TRPM8: variants seen among roughly 807,000 people sequenced by gnomAD.
TRPM8 encodes transient receptor potential cation channel subfamily M member 8.
TRPM8 carries 110 observed loss-of-function variants against 133.7 expected under a neutral mutation model. The ratio of observed to expected loss-of-function variants is 0.82; its 90% CI spans 0.70 to 0.96. The LOEUF (loss-of-function observed/expected upper bound fraction) is 0.96, where lower values mean the gene tolerates loss of function less well. Ranked by LOEUF, TRPM8 falls within the 40% of genes least tolerant of loss-of-function variation. TRPM8 has a pLI of 0.00. For synonymous variants in TRPM8, 535 were observed against 532.3 expected, an observed-to-expected ratio of 1.01 and a Z score of -0.07; for missense variants, 1,291 against 1,379.5, an observed-to-expected ratio of 0.94 and a Z score of 1.02.
rs2125320255 is a variant in TRPM8 at position 233,989,808 on chromosome 2, C to T, written c.2939+3943C>T. Among the ~76,000 whole-genome samples the T allele has an allele frequency of 6.6e-6, 1 of 152,254 alleles. No homozygotes were observed. The highest frequency in any genetic ancestry group is 1.9e-4 in the East Asian group (1 of 5,180). On this transcript the variant is annotated intron_variant, in intron 21 of 25. Coordinates refer to ENST00000324695, the MANE Select transcript of TRPM8 (RefSeq NM_024080.5). This position sits in a 1 kb window ranked among gnomAD's most constrained non-coding sequence, Gnocchi z 4.2. Reference sequence around the variant, plus strand: ...TACATTAAAATTATCGATCACAGGGCCTGTGTGGCTTATCAGCGGCAGGAA... The same window carrying T: ...TACATTAAAATTATCGATCACAGGGTCTGTGTGGCTTATCAGCGGCAGGAA...
intron 21 of TRPM8, 21 bp from the exon 22 acceptor site, chr2:233,996,305 C>T (rs755459164): frequency 1.9e-6 from 3 of 1,612,172 alleles, no homozygotes; most frequent in Non-Finnish European, 2.5e-6. Context: ...TAAGTCTTGG[C>T]CTTCTCTCTT....
rs202105112 is a variant in TRPM8, at chr2:233,970,370, C to T, written c.2299C>T (p.Pro767Ser). ...LMDFHSVPHP[P>S]ELVLYSLVFV... ...GGATTTCCATTCGGTGCCACACCCC[C>T]CCGAGCTGGTCCTGTACTCGCTGGT... Residue 767 changes from proline (P) to serine (S), a missense_variant, in exon 17 of 26, where the codon CCC becomes TCC. Physicochemically the swap from Pro to Ser is moderately conservative, Grantham distance 74. This residue lies in a region of TRPM8 where 963 missense variants were observed against 968.9 expected (regional missense o/e 0.99). Transcript: ENST00000324695. The T allele has an allele frequency of 9.3e-6, 15 of 1,614,140 alleles. No homozygotes were observed. The highest frequency in any genetic ancestry group is 8.5e-7 in the Non-Finnish European group (1 of 1,180,030).
At chr2:233,933,297 T>C (rs919944980) in intron 3 of TRPM8, among the ~76,000 whole-genome samples, 14 of 152,336 alleles carry the variant, frequency 9.2e-5, no homozygotes, top group African/African-American at 2.6e-4. Flanking sequence ...CATCTGGCTA[T>C]TGATCATTTG....
At chr2:233,955,463 A>T (rs1255668534) in intron 11 of TRPM8, 1 of 420,704 alleles carries the variant, frequency 2.4e-6, no homozygotes, top group Non-Finnish European at 4.3e-6. Flanking sequence ...GATAATAAAA[A>T]TAAATGGTAT....
At chr2:233,980,760 C>T (rs1401143948) in intron 18 of TRPM8, among the ~76,000 whole-genome samples, 1 of 152,220 alleles carries the variant, frequency 6.6e-6, no homozygotes, top group East Asian at 1.9e-4. Flanking sequence ...CTCAATGGCA[C>T]AGCCAGAGTG....
At chr2:233,926,243 G>T (rs1449433622) in intron 1 of TRPM8, among the ~76,000 whole-genome samples, 1 of 152,182 alleles carries the variant, frequency 6.6e-6, no homozygotes, top group Non-Finnish European at 1.5e-5. Flanking sequence ...GCAGTCTGGT[G>T]GGGCCATGCA....
chr2:234,012,156 T>G (rs1241815609), intron 24 of TRPM8, among the ~76,000 whole-genome samples: 15 of 36,156 alleles, frequency 4.1e-4, no homozygotes, highest in African/African-American at 3.3e-3. Context: ...TTCTAACAGT[T>G]TTTTTTTTTT....
chr2:233,918,246 G>T (rs1170778983), intron 1 of TRPM8, among the ~76,000 whole-genome samples: 1 of 151,136 alleles, frequency 6.6e-6, no homozygotes, highest in African/African-American at 2.4e-5. Flanking sequence ...TGTGACTTTG[G>T]ATGCATATTT....
At chr2:234,004,821 G>T (rs1279508168) in intron 22 of TRPM8, among the ~76,000 whole-genome samples, 1 of 152,040 alleles carries the variant, frequency 6.6e-6, no homozygotes, top group Non-Finnish European at 1.5e-5. Flanking sequence ...TTTTGTGTGG[G>T]TGTATAGTAA....
chr2:233,995,219 A>T (rs1692374272), intron 21 of TRPM8, among the ~76,000 whole-genome samples: 1 of 152,242 alleles, frequency 6.6e-6, no homozygotes, highest in African/African-American at 2.4e-5. Flanking sequence ...AGATGATAAT[A>T]GACATCATAG....
chr2:233,976,437 T>C (rs1453483157), intron 17 of TRPM8, among the ~76,000 whole-genome samples: 2 of 152,010 alleles, frequency 1.3e-5, no homozygotes, highest in African/African-American at 4.8e-5. Context: ...GTGTTTTTGC[T>C]CAGGGAGGAC....
intron 18 of TRPM8, 97 bp downstream of exon 18, chr2:233,980,376 C>A: frequency 1.3e-6 from 1 of 762,016 alleles, no homozygotes. Context: ...AAGTCTATTA[C>A]TCATTAGAGA....
intron 22 of TRPM8, among the ~76,000 whole-genome samples, chr2:233,999,309 A>C (rs892130151): frequency 1.3e-5 from 2 of 152,156 alleles, no homozygotes; most frequent in Non-Finnish European, 2.9e-5. Flanking sequence ...TCTCAGTGTC[A>C]CCACACATAG....
chr2:233,933,216 G>A (rs1287882706), intron 3 of TRPM8, among the ~76,000 whole-genome samples: 2 of 152,092 alleles, frequency 1.3e-5, no homozygotes, highest in East Asian at 3.9e-4. Flanking sequence ...CAGCAGCACT[G>A]TGCAACAGAA....
At chr2:233,970,136 T>C in intron 16 of TRPM8, 74 bp from the exon 17 acceptor site, 4 of 1,349,692 alleles carry the variant, frequency 3.0e-6, no homozygotes, top group Non-Finnish European at 4.3e-6. Context: ...TTTATCTATG[T>C]TTGGAAGGAG....
At chr2:233,951,321 G>A (rs1277892119) in intron 9 of TRPM8, among the ~76,000 whole-genome samples, 2 of 152,172 alleles carry the variant, frequency 1.3e-5, no homozygotes, top group Non-Finnish European at 2.9e-5. Context: ...CATATTGATT[G>A]CATATTGACT....
chr2:233,940,532 C>T (rs758039605), intron 5 of TRPM8, among the ~76,000 whole-genome samples: 16 of 152,290 alleles, frequency 1.1e-4, no homozygotes, highest in African/African-American at 2.9e-4. Flanking sequence ...CAGAACAAAA[C>T]GGACAAAAAG....
intron 1 of TRPM8, among the ~76,000 whole-genome samples, chr2:233,926,025 A>AC (rs1389428075): frequency 6.6e-6 from 1 of 151,328 alleles, no homozygotes; most frequent in East Asian, 1.9e-4. Context: ...GGACAGACTG[A>AC]CCCCCAAGCC....
chr2:233,932,357 A>T (rs1026308652), intron 3 of TRPM8, among the ~76,000 whole-genome samples: 1 of 152,228 alleles, frequency 6.6e-6, no homozygotes, highest in Non-Finnish European at 1.5e-5. Context: ...TGCTCCTAGC[A>T]ATTCCATCAA....
Sources: allele counts gnomAD v4.1 joint callset (sites outside exome capture counted in the v4.1 genomes callset), GRCh38; gene constraint gnomAD v4.1.1; regional missense constraint gnomAD v4.1.1; non-coding constraint Gnocchi (gnomAD v3.1); transcripts MANE v1.5; gene names NCBI Gene and HGNC (gene_info 2026-07-23, HGNC 2026-07-21).